The following RASGEF1B variants were observed in gnomAD, a reference collection of about 807,000 sequenced individuals.
RASGEF1B encodes RasGEF domain family member 1B, also known as ras-GEF domain-containing family member 1B.
A neutral mutation model predicts 65.7 loss-of-function variants in RASGEF1B; 30 were observed. The observed-to-expected ratio is 0.46, with a 90% confidence interval of 0.34 to 0.62. RASGEF1B has a LOEUF of 0.62. RASGEF1B is among the 20% of genes least tolerant of loss of function. The pLI is 0.01. For missense variants in RASGEF1B, 495 were observed against 580.1 expected (o/e 0.85, Z 1.51); for synonymous variants, 175 against 194.8 (o/e 0.90, Z 0.85).
intron 6 of RASGEF1B, among the ~76,000 whole-genome samples, chr4:81,446,364 T>A (rs1027651547): frequency 2.0e-5 from 3 of 152,080 alleles, no homozygotes; most frequent in Non-Finnish European, 4.4e-5. Context: ...CAGAGTGAGA[T>A]TCGGCCTCCA....
At chr4:81,438,729 C>A (rs544459326) in intron 10 of RASGEF1B, among the ~76,000 whole-genome samples, 4 of 151,822 alleles carry the variant, frequency 2.6e-5, no homozygotes, top group Admixed American at 2.6e-4. Flanking sequence ...CTTGCCCCCC[C>A]AGCCCCCTAC....
chr4:81,466,949 A>AG lies in RASGEF1B; in HGVS notation c.-7+4820_-7+4821insC, dbSNP rs1412758281. Among the ~76,000 whole-genome samples the AG allele has an allele frequency of 5.4e-5, 8 of 148,236 alleles. No homozygotes were observed. In the South Asian group the frequency reaches 1.5e-3, roughly 27 times the overall value. On this transcript the variant is annotated intron_variant, in intron 1 of 13. Coordinates refer to ENST00000264400, the MANE Select transcript of RASGEF1B (RefSeq NM_152545.3). ...CTGCTTACCTCCTTAAAAAAAAAAA[A>AG]AAAAAAGAAAAAAAAGGTATTGTAT...
intron 4 of RASGEF1B, chr4:81,454,093 T>C (rs577300899): frequency 4.6e-5 from 7 of 152,338 alleles, no homozygotes; most frequent in Non-Finnish European, 8.8e-5. Flanking sequence ...GCAAGGTTTC[T>C]ATCAAGAATA....
In RASGEF1B at chr4:81,428,859, C is replaced by T. The variant is rs191034304; in HGVS notation, c.1398-1067G>A. 2.7e-3 allele frequency among the ~76,000 whole-genome samples: 404 copies of T among 152,306 alleles called. 1 individual carries two copies. Among genetic ancestry groups the T allele is most frequent in the Non-Finnish European group, 4.5e-3 (307 of 68,026 alleles). ...TCCTGGAACCAATCCCCCATAAATA[C>T]CAAGGGATGATTATGCTTAATCTTA... On this transcript the variant is annotated intron_variant, in intron 13 of 13. Coordinates refer to ENST00000264400, the MANE Select transcript of RASGEF1B (RefSeq NM_152545.3).
intron 1 of RASGEF1B, among the ~76,000 whole-genome samples, chr4:81,466,770 A>AAAGGAAAGAAAG (rs3973161): frequency 2.8e-5 from 1 of 36,100 alleles, no homozygotes; most frequent in African/African-American, 9.5e-5. Context: ...AAAAAAAAAA[A>AAAGGAAAGAAAG]AAAGAAAGAA....
chr4:81,448,312 G>A (rs761941523), intron 4 of RASGEF1B, 28 bp from the exon 5 acceptor site: 90 of 1,576,662 alleles, frequency 5.7e-5, no homozygotes, highest in Non-Finnish European at 7.1e-5. Flanking sequence ...AATTACATCC[G>A]TACTCTGCGT....
chr4:81,455,708 G>A (rs1343252609), intron 4 of RASGEF1B: 1 of 152,198 alleles, frequency 6.6e-6, no homozygotes, highest in Admixed American at 6.5e-5. Flanking sequence ...CTTCAAAAAG[G>A]ATAACCTTGA....
chr4:81,466,421 T>C (rs1481125373), intron 1 of RASGEF1B, among the ~76,000 whole-genome samples: 1 of 152,072 alleles, frequency 6.6e-6, no homozygotes, highest in Non-Finnish European at 1.5e-5. Flanking sequence ...AAGGCAAAAG[T>C]CAAGTTTCTG....
At chr4:81,461,961 G>A (rs754210425) in intron 1 of RASGEF1B, among the ~76,000 whole-genome samples, 2 of 152,120 alleles carry the variant, frequency 1.3e-5, no homozygotes, top group Non-Finnish European at 2.9e-5. Flanking sequence ...AACGGTCATG[G>A]GTCACTCAGA....
chr4:81,457,313 G>A (rs180677428), intron 3 of RASGEF1B, among the ~76,000 whole-genome samples, 186 bp downstream of exon 3: 182 of 152,288 alleles, frequency 1.2e-3, no homozygotes, highest in African/African-American at 4.0e-3. Context: ...CAGTGCACCC[G>A]AACTGCATTT....
chr4:81,432,553 C>A (rs970014288), intron 12 of RASGEF1B, among the ~76,000 whole-genome samples, 182 bp from the exon 13 acceptor site: 1 of 152,120 alleles, frequency 6.6e-6, no homozygotes, highest in African/African-American at 2.4e-5. Flanking sequence ...CTCTGACTGA[C>A]CATCTCAATG....
intron 13 of RASGEF1B, among the ~76,000 whole-genome samples, chr4:81,430,545 G>A (rs898529755): frequency 6.6e-5 from 10 of 152,188 alleles, no homozygotes; most frequent in Non-Finnish European, 1.3e-4. Context: ...ACACTGCCGT[G>A]GGGTCGGAGC....
intron 8 of RASGEF1B, among the ~76,000 whole-genome samples, chr4:81,443,218 A>G (rs1225504032): frequency 2.0e-5 from 3 of 152,248 alleles, no homozygotes. Flanking sequence ...CTAAATGAGT[A>G]CGTATATTAA....
chr4:81,437,824 C>T (rs893240430), intron 10 of RASGEF1B, among the ~76,000 whole-genome samples: 2 of 152,114 alleles, frequency 1.3e-5, no homozygotes, highest in African/African-American at 4.8e-5. Context: ...ATGGATAATT[C>T]CCTTCAGATC....
At chr4:81,444,506 A>G (rs1185685340) in intron 8 of RASGEF1B, among the ~76,000 whole-genome samples, 1 of 152,180 alleles carries the variant, frequency 6.6e-6, no homozygotes, top group Non-Finnish European at 1.5e-5. Context: ...CTAGCTTCAA[A>G]CTGATCCTTC....
chr4:81,449,484 T>A (rs1722172026), intron 4 of RASGEF1B, among the ~76,000 whole-genome samples: 1 of 152,182 alleles, frequency 6.6e-6, no homozygotes, highest in Admixed American at 6.5e-5. Context: ...CATTCAGTCT[T>A]CCTTTTCTAG....
chr4:81,430,247 G>A (rs1364074416), intron 13 of RASGEF1B, among the ~76,000 whole-genome samples: 1 of 152,182 alleles, frequency 6.6e-6, no homozygotes, highest in Non-Finnish European at 1.5e-5. Context: ...CCTGCAGTGA[G>A]CCGAGATCCT....
At chr4:81,457,217 C>T (rs915028855) in intron 3 of RASGEF1B, among the ~76,000 whole-genome samples, 3 of 152,060 alleles carry the variant, frequency 2.0e-5, no homozygotes, top group Admixed American at 6.5e-5. Flanking sequence ...GGGTTTCACA[C>T]GTTGGCCAGG....
intron 6 of RASGEF1B, among the ~76,000 whole-genome samples, chr4:81,446,521 T>C (rs1288459656): frequency 2.6e-5 from 4 of 152,092 alleles, no homozygotes; most frequent in African/African-American, 9.7e-5. Context: ...CTATAATCGA[T>C]ACAGCAAAAA....
Sources: allele counts gnomAD v4.1 joint callset (sites outside exome capture counted in the v4.1 genomes callset), GRCh38; gene constraint gnomAD v4.1.1; transcripts MANE v1.5; gene names NCBI Gene and HGNC (gene_info 2026-07-23, HGNC 2026-07-21).